ALG1L2: variants seen among roughly 807,000 people sequenced by gnomAD.
ALG1L2 encodes the protein ALG1 chitobiosyldiphosphodolichol beta-mannosyltransferase like 2.
In ALG1L2, 32 loss-of-function variants were observed where a neutral mutation model predicts 29.0. The ratio of observed to expected loss-of-function variants is 1.10; its 90% CI spans 0.83 to 1.48. The LOEUF (loss-of-function observed/expected upper bound fraction) is 1.48. Ranked by LOEUF, ALG1L2 falls within the 40% of genes most tolerant of loss-of-function variation. The pLI, the probability that ALG1L2 is intolerant of heterozygous loss-of-function variation, is 0.00. For missense variants in ALG1L2, 318 were observed against 274.1 expected (o/e 1.16, Z -1.13); for synonymous variants, 110 against 109.5 (o/e 1.00, Z -0.03).
chr3:130,094,368 C>G (rs540456270), intron 4 of ALG1L2, 35 bp from the exon 5 acceptor site: 2 of 1,582,782 alleles, frequency 1.3e-6, no homozygotes, highest in East Asian at 2.2e-5. Context: ...GGGACAGAGA[C>G]GGGTTCATGG....
In ALG1L2 at chr3:130,096,063, G is replaced by A. The variant is rs1454698053; in HGVS notation, c.439G>A (p.Asp147Asn). 4 of 1,607,498 alleles carry A rather than the reference G, an allele frequency of 2.5e-6. No individual in the cohort carries two copies. In the African/African-American group the frequency reaches 4.1e-5, roughly 16 times the overall value. The change falls in exon 6 of 8, where the codon GAT (aspartate) becomes AAT (asparagine). Residue 147 changes from aspartate (D) to asparagine (N), a missense_variant. Asp to Asn is a conservative substitution (Grantham distance 23). Coordinates refer to ENST00000425059, the MANE Select transcript of ALG1L2 (RefSeq NM_001136152.1). ...LPPLLGSVDL[D>N]VCLDTSSSGL... ...TTGCCTAGCAGGGTCGGTGGACCTG[G>A]ATGTCTGTCTGGACACGTCCTCCAG...
chr3:130,094,787 G>A (rs1035824191), intron 5 of ALG1L2, among the ~76,000 whole-genome samples: 1 of 152,156 alleles, frequency 6.6e-6, no homozygotes, highest in African/African-American at 2.4e-5. Context: ...CCTGCAAGAG[G>A]GCTGGGCCTG....
At chr3:130,089,653 A>T (rs1265157790) in intron 1 of ALG1L2, among the ~76,000 whole-genome samples, 1 of 152,228 alleles carries the variant, frequency 6.6e-6, no homozygotes, top group African/African-American at 2.4e-5. Flanking sequence ...TTAATATTAC[A>T]CATGTGGATT....
intron 7 of ALG1L2, among the ~76,000 whole-genome samples, chr3:130,097,906 C>T (rs546967808): frequency 4.1e-4 from 62 of 152,220 alleles, no homozygotes; most frequent in Non-Finnish European, 5.7e-4. Context: ...GAAAAGAACA[C>T]CCCCTTGTTA....
intron 4 of ALG1L2, 116 bp from the exon 5 acceptor site, chr3:130,094,287 C>G (rs1200915058): frequency 7.5e-7 from 1 of 1,338,116 alleles, no homozygotes; most frequent in Non-Finnish European, 1.0e-6. Context: ...ACTGCAGCTG[C>G]CGAGGGGTGG....
intron 1 of ALG1L2, among the ~76,000 whole-genome samples, chr3:130,084,601 G>A (rs372097832): frequency 0.044 from 3,305 of 75,754 alleles, 65 homozygotes; most frequent in Middle Eastern, 0.1. Context: ...ATACGGGAAG[G>A]GCTCAGAATG....
At chr3:130,082,568 T>C (rs202120137) in intron 1 of ALG1L2, among the ~76,000 whole-genome samples, 9,171 of 73,132 alleles carry the variant, frequency 0.13, 35 homozygotes, top group Non-Finnish European at 0.16. Flanking sequence ...GAACTCCTGA[T>C]CTCAAGTGAT....
chr3:130,082,682 C>A (rs114962327), intron 1 of ALG1L2, among the ~76,000 whole-genome samples: 137 of 146,064 alleles, frequency 9.4e-4, no homozygotes, highest in African/African-American at 3.2e-3. Context: ...CAATAGAACA[C>A]GTGCGTGGGC....
intron 6 of ALG1L2, among the ~76,000 whole-genome samples, chr3:130,096,780 G>C (rs148004208): frequency 0.07 from 10,644 of 152,286 alleles, 528 homozygotes; most frequent in East Asian, 0.18. Context: ...GAGCTGAGCT[G>C]AGGGAATGTC....
intron 7 of ALG1L2, 113 bp downstream of exon 7, chr3:130,097,363 G>C: frequency 1.4e-6 from 2 of 1,467,678 alleles, no homozygotes; most frequent in Non-Finnish European, 1.8e-6. Flanking sequence ...GGGGTCTGGC[G>C]GAAAAGCTAG....
At chr3:130,092,636 T>A (rs190749445) in intron 3 of ALG1L2, among the ~76,000 whole-genome samples, 14 of 152,264 alleles carry the variant, frequency 9.2e-5, no homozygotes, top group African/African-American at 3.1e-4. Context: ...CAGGCTGAAA[T>A]GCCCCCTCCA....
At chr3:130,084,190 G>C (rs1019432154) in intron 1 of ALG1L2, among the ~76,000 whole-genome samples, 3 of 151,144 alleles carry the variant, frequency 2.0e-5, no homozygotes, top group Non-Finnish European at 3.0e-5. Flanking sequence ...GCTGGGTATG[G>C]TGGCTCACAC....
At chr3:130,087,683 G>GA (rs1313246998) in intron 1 of ALG1L2, among the ~76,000 whole-genome samples, 1 of 130,992 alleles carries the variant, frequency 7.6e-6, no homozygotes, top group Non-Finnish European at 1.8e-5. Context: ...GAATCTCAGC[G>GA]AAGGGTATAA....
intron 1 of ALG1L2, among the ~76,000 whole-genome samples, chr3:130,083,514 G>A (rs920899670): frequency 2.3e-5 from 3 of 130,248 alleles, no homozygotes; most frequent in Non-Finnish European, 5.3e-5. Context: ...CACTGTTTCT[G>A]TGAGGCAAAA....
In ALG1L2 at chr3:130,096,046, CA is replaced by C. The variant is rs1935124698; in HGVS notation, c.425-2del. On this transcript the variant is annotated splice_acceptor_variant, in intron 5 of 7. Transcript: ENST00000425059. LOFTEE classifies it high-confidence loss of function. Reference sequence around the variant, plus strand: ...CTCTGGCCACACCCCTCTTGCCTAGCAGGGTCGGTGGACCTGGATGTCTGTC... The same window carrying C: ...CTCTGGCCACACCCCTCTTGCCTAGCGGGTCGGTGGACCTGGATGTCTGTC... 2 of 1,608,822 alleles carry C rather than the reference CA, an allele frequency of 1.2e-6. No homozygotes were observed. The highest frequency in any genetic ancestry group is 1.7e-5 in the Admixed American group (1 of 59,470).
rs142052214 is a variant in ALG1L2, at chr3:130,092,142, C to A, written c.173C>A (p.Thr58Lys). 6.8e-6 allele frequency: 11 copies of A among 1,613,592 alleles called. 1 individual carries two copies. The South Asian group carries it at 1.2e-4, about 18-fold the overall frequency. The change falls in exon 3 of 8, where the codon ACG (threonine) becomes AAG (lysine). Residue 58 changes from threonine (T) to lysine (K), a missense_variant. Transcript: ENST00000425059. ...EDPDTERSAF[T>K]ERDSGSGLVT... The stretch of plus-strand genomic sequence containing the variant: ...CCAGACACAGAGCGGTCGGCCTTCA[C>A]GGAGCGGGATTCTGGGAGCGGGCTG...
At chr3:130,096,188 C>G (rs774402975) in intron 6 of ALG1L2, 25 bp downstream of exon 6, 1 of 1,608,968 alleles carries the variant, frequency 6.2e-7, no homozygotes, top group South Asian at 1.1e-5. Flanking sequence ...CGAATTTTTT[C>G]TGGGGATAGC....
chr3:130,087,881 T>C (rs1234161603), intron 1 of ALG1L2, among the ~76,000 whole-genome samples: 2 of 72,660 alleles, frequency 2.8e-5, no homozygotes, highest in Non-Finnish European at 3.8e-5. Flanking sequence ...CAGAGATTCA[T>C]AGTCAGTTAG....
intron 1 of ALG1L2, among the ~76,000 whole-genome samples, chr3:130,087,288 C>T (rs1347284955): frequency 6.7e-6 from 1 of 150,348 alleles, no homozygotes; most frequent in African/African-American, 2.4e-5. Flanking sequence ...CAAGAAACAT[C>T]AGCCAAATCC....
Sources: gnomAD v4.1 joint callset for allele counts (sites outside exome capture counted in the v4.1 genomes callset) on GRCh38, gnomAD v4.1.1 for gene constraint, MANE v1.5 for transcripts, NCBI Gene and HGNC (gene_info 2026-07-23, HGNC 2026-07-21) for gene names.